The following IPO7 variants were observed in gnomAD, a reference collection of about 807,000 sequenced individuals.
IPO7 encodes the protein importin 7.
IPO7 carries 13 observed loss-of-function variants against 136.4 expected under a neutral mutation model. The observed-to-expected ratio is 0.10, with a 90% confidence interval of 0.06 to 0.15. The LOEUF is 0.15. Among genes scored for constraint, IPO7 ranks in the 10% least tolerant of loss-of-function variants. The probability of loss-of-function intolerance (pLI) is 1.00; values close to 1 mark genes in which losing one functional copy is unlikely to be tolerated. For synonymous variants in IPO7, 403 were observed against 404.4 expected, an observed-to-expected ratio of 1.00 and a Z score of 0.04; for missense variants, 857 against 1,240.6, an observed-to-expected ratio of 0.69 and a Z score of 4.65.
chr11:9,431,666 A>AT (rs994603265), intron 16 of IPO7, among the ~76,000 whole-genome samples: 3 of 152,014 alleles, frequency 2.0e-5, no homozygotes, highest in Non-Finnish European at 4.4e-5. Context: ...AAATAACTCC[A>AT]TTTTTTAAAA....
At chr11:9,430,763 A>G (rs1275776801) in intron 15 of IPO7, 112 bp from the exon 16 acceptor site, 1 of 786,086 alleles carries the variant, frequency 1.3e-6, no homozygotes, top group Non-Finnish European at 2.0e-6. Context: ...ATTTGGAGAC[A>G]TTGATTTGTT....
chr11:9,392,131 A>C (rs1362528325), intron 1 of IPO7: 3 of 356,260 alleles, frequency 8.4e-6, no homozygotes, highest in Non-Finnish European at 1.6e-5. Context: ...CTTATATTTC[A>C]TGTAGCCAAG....
intron 20 of IPO7, among the ~76,000 whole-genome samples, chr11:9,436,877 T>TC (rs1855383551): frequency 1.0e-4 from 4 of 38,806 alleles, no homozygotes; most frequent in African/African-American, 3.5e-4. Flanking sequence ...TATTTTTTTT[T>TC]TTTTTTTTTT....
intron 6 of IPO7, among the ~76,000 whole-genome samples, chr11:9,417,486 C>G (rs530517620): frequency 2.0e-5 from 3 of 151,958 alleles, no homozygotes; most frequent in Non-Finnish European, 1.5e-5. Context: ...CAGATGCCCA[C>G]GTACAGAGGA....
Position 9,408,521 on chromosome 11 carries a change from T to G in IPO7, c.202T>G (p.Trp68Gly), listed in dbSNP as rs1286629446. ...TCTGAAAAATATGATAACACAGTATTGGCCTGATCGAGAAACAGCACCAGG... is the reference window on the plus strand; with the variant it reads ...TCTGAAAAATATGATAACACAGTATGGGCCTGATCGAGAAACAGCACCAGG... ...IYLKNMITQY[W>G]PDRETAPGDI... Residue 68 changes from tryptophan to glycine, a missense_variant, in exon 3 of 25, where the codon TGG becomes GGG. By Grantham distance (184) the Trp-to-Gly change is radical. Transcript: ENST00000379719. 6.2e-7 allele frequency: 1 copy of G among 1,602,930 alleles called. No individual in the cohort carries two copies. The highest frequency in any genetic ancestry group is 8.5e-7 in the Non-Finnish European group (1 of 1,176,182).
intron 18 of IPO7, among the ~76,000 whole-genome samples, chr11:9,434,297 G>A (rs1855341024): frequency 6.6e-6 from 1 of 152,018 alleles, no homozygotes; most frequent in African/African-American, 2.4e-5. Context: ...TGCTCTCAGT[G>A]GTGATGCATG....
chr11:9,439,181 T>C (rs1448162003), intron 22 of IPO7, among the ~76,000 whole-genome samples: 1 of 152,164 alleles, frequency 6.6e-6, no homozygotes, highest in African/African-American at 2.4e-5. Flanking sequence ...AACAGCGCGA[T>C]CTTGGCTCAC....
At chr11:9,438,765 CAACATGTAG>C (rs1326431851) in intron 22 of IPO7, among the ~76,000 whole-genome samples, 1 of 152,094 alleles carries the variant, frequency 6.6e-6, no homozygotes, top group African/African-American at 2.4e-5. Flanking sequence ...GCTGTATTAC[CAACATGTAG>C]AACAGTTCAA....
intron 22 of IPO7, among the ~76,000 whole-genome samples, chr11:9,439,832 T>C (rs1373291694): frequency 3.3e-5 from 5 of 151,704 alleles, no homozygotes; most frequent in African/African-American, 1.2e-4. Context: ...CTTGGCCTCC[T>C]AAAGTGTTGG....
At chr11:9,407,860 G>A (rs10840234) in intron 2 of IPO7, among the ~76,000 whole-genome samples, 108,672 of 152,036 alleles carry the variant, frequency 0.71, 39,775 homozygotes, top group Non-Finnish European at 0.8. Flanking sequence ...CTAGCAGCCT[G>A]GATTTTACCA....
intron 8 of IPO7, 79 bp from the exon 9 acceptor site, chr11:9,422,927 G>A: frequency 1.3e-6 from 1 of 783,232 alleles, no homozygotes; most frequent in South Asian, 3.0e-5. Context: ...TAAAATATGT[G>A]TTAACTGTTT....
intron 1 of IPO7, among the ~76,000 whole-genome samples, chr11:9,402,391 CTG>C (rs1854810960): frequency 2.2e-5 from 2 of 91,328 alleles, no homozygotes; most frequent in African/African-American, 9.3e-5. Context: ...CAGAGCGAGA[CTG>C]TGTCTCAAAA....
In IPO7 at chr11:9,446,765, G is replaced by A. The variant is rs899467604; in HGVS notation, c.*1571G>A. 6.6e-6 allele frequency: 1 copy of A among 152,086 alleles called. No individual in the cohort carries two copies. Among genetic ancestry groups the A allele is most frequent in the African/African-American group, 2.4e-5 (1 of 41,404 alleles). The allele number at this position is 152,086 out of a possible 1,614,324, so 9.4% of individuals were successfully genotyped here. ...AATTAAGAAAACCCATTGTTGTTGT[G>A]TTTTTCTTGTATACCAATAATTAAG... On this transcript the variant is annotated 3_prime_UTR_variant, in exon 25 of 25. Transcript: ENST00000379719.
chr11:9,412,073 GTTA>G (rs1057016929), intron 4 of IPO7, among the ~76,000 whole-genome samples: 4 of 152,126 alleles, frequency 2.6e-5, no homozygotes, highest in Non-Finnish European at 5.9e-5. Flanking sequence ...TTTGTGAATT[GTTA>G]TTTTGTCAAC....
Position 9,447,449 on chromosome 11 carries a change from G to A in IPO7, c.*2255G>A, listed in dbSNP as rs1855544509. 6.6e-6 allele frequency: 1 copy of A among 152,068 alleles called. No individual in the cohort carries two copies. The highest frequency in any genetic ancestry group is 1.5e-5 in the Non-Finnish European group (1 of 68,000). 9.4% of individuals were successfully genotyped at this position (152,068 alleles called of 1,614,324 possible). On this transcript the variant is annotated 3_prime_UTR_variant, in exon 25 of 25. Transcript: ENST00000379719. ...TCTAATGCATCAAATATATACCTCAGTTTTCATGATTTCCTTTAACATTAT... is the reference window on the plus strand; with the variant it reads ...TCTAATGCATCAAATATATACCTCAATTTTCATGATTTCCTTTAACATTAT...
chr11:9,446,931 A>G lies in IPO7; in HGVS notation c.*1737A>G, dbSNP rs1164297817. The stretch of plus-strand genomic sequence containing the variant: ...CGTGTGTGGGTGAAAACTGTTAATC[A>G]AGTGTTTCTACTCCCCCCCGAAAAT... On this transcript the variant is annotated 3_prime_UTR_variant, in exon 25 of 25. Transcript: ENST00000379719. 1 of 152,136 alleles carries G rather than the reference A, an allele frequency of 6.6e-6. No homozygotes were observed. The highest frequency in any genetic ancestry group is 1.5e-5 in the Non-Finnish European group (1 of 68,032). The allele number at this position is 152,136 out of a possible 1,614,324, so 9.4% of individuals were successfully genotyped here.
chr11:9,428,882 G>A lies in IPO7; in HGVS notation c.1426-149G>A, dbSNP rs1208872305. ...CATCATGCGGCCAAAGAGTAACTTG[G>A]GATCATAGTACTGGTCTAGTGTTGT... On this transcript the variant is annotated intron_variant, in intron 13 of 24. Coordinates refer to ENST00000379719, the MANE Select transcript of IPO7 (RefSeq NM_006391.3). 3.7e-6 allele frequency: 3 copies of A among 814,586 alleles called. No homozygotes were observed. In the South Asian group the frequency reaches 4.0e-5, roughly 11 times the overall value. The allele number at this position is 814,586 out of a possible 1,614,324, so 50.5% of individuals were successfully genotyped here. A position where few individuals can be genotyped will look rare whatever the true frequency, so the allele number is the denominator to read the frequency against.
chr11:9,403,437 A>T, intron 2 of IPO7, 66 bp downstream of exon 2: 1 of 1,305,128 alleles, frequency 7.7e-7, no homozygotes, highest in South Asian at 1.2e-5. Flanking sequence ...ATCGAATAGC[A>T]GAAGTGTCTT....
At chr11:9,427,556 G>A (rs1045729672) in intron 12 of IPO7, among the ~76,000 whole-genome samples, 2 of 152,126 alleles carry the variant, frequency 1.3e-5, no homozygotes, top group Non-Finnish European at 2.9e-5. Flanking sequence ...CACTGCACCC[G>A]GCCGTCTTTC....
Sources: gnomAD v4.1 joint callset for allele counts (sites outside exome capture counted in the v4.1 genomes callset) on GRCh38, gnomAD v4.1.1 for gene constraint, MANE v1.5 for transcripts, NCBI Gene and HGNC (gene_info 2026-07-23, HGNC 2026-07-21) for gene names.